The following DGKG variants were observed in gnomAD, a reference collection of about 807,000 sequenced individuals.
DGKG encodes DAG kinase gamma.
Under a neutral mutation model 105.3 loss-of-function variants are expected in DGKG, and 78 were observed. The ratio of observed to expected loss-of-function variants is 0.74; its 90% confidence interval spans 0.62 to 0.89. DGKG has a LOEUF of 0.89. DGKG is among the 40% of genes least tolerant of loss of function. DGKG has a pLI of 0.00. For missense variants in DGKG, 958 were observed against 1,020.1 expected (o/e 0.94, Z 0.83); for synonymous variants, 346 against 367.1 (o/e 0.94, Z 0.66).
intron 21 of DGKG, among the ~76,000 whole-genome samples, chr3:186,201,970 G>T (rs897470269): frequency 2.6e-5 from 4 of 152,202 alleles, no homozygotes; most frequent in African/African-American, 9.7e-5. Context: ...TAATGCAGAG[G>T]TCATCTCCTA....
intron 3 of DGKG, among the ~76,000 whole-genome samples, chr3:186,304,104 C>T (rs1010287953): frequency 2.0e-5 from 3 of 152,198 alleles, no homozygotes; most frequent in East Asian, 1.9e-4. Context: ...AGCAGCCAAG[C>T]GACTCCCTGC....
chr3:186,353,620 C>A (rs1300612031), intron 1 of DGKG, among the ~76,000 whole-genome samples: 1 of 138,466 alleles, frequency 7.2e-6, no homozygotes, highest in Non-Finnish European at 1.6e-5. Context: ...TATATATAGA[C>A]TCTCTATCTA....
chr3:186,154,037 C>T (rs1319651317), intron 24 of DGKG, among the ~76,000 whole-genome samples: 3 of 152,144 alleles, frequency 2.0e-5, no homozygotes, highest in Non-Finnish European at 4.4e-5. Context: ...GTCGAGGCGG[C>T]AGTGAGCCGT....
chr3:186,192,934 A>T (rs1469239577), intron 21 of DGKG, among the ~76,000 whole-genome samples: 1 of 152,186 alleles, frequency 6.6e-6, no homozygotes, highest in African/African-American at 2.4e-5. Flanking sequence ...TTTCTTCCGT[A>T]CTACAGTTTT....
At position 186,148,929 on chromosome 3, in the gene DGKG, A is replaced by G. The variant is rs1311382168; in HGVS notation, c.*1161T>C. The G allele has an allele frequency of 1.0e-5, 10 of 965,660 alleles. No homozygotes were observed. The South Asian group carries it at 1.4e-4, about 14-fold the overall frequency. The allele number at this position is 965,660 out of a possible 1,614,324, so 59.8% of individuals were successfully genotyped here. On this transcript the variant is annotated 3_prime_UTR_variant, in exon 25 of 25. Transcript: ENST00000265022. ...ATACTACCTATGTTTTTTTTTTCCA[A>G]TGAGGAAAAGTCCATCAGTAAATAA...
At chr3:186,163,348 C>T (rs920679472) in intron 23 of DGKG, among the ~76,000 whole-genome samples, 2 of 152,192 alleles carry the variant, frequency 1.3e-5, no homozygotes, top group African/African-American at 4.8e-5. Flanking sequence ...TGACTTCCCT[C>T]TGCAGAAGAG....
intron 1 of DGKG, among the ~76,000 whole-genome samples, chr3:186,347,349 G>A (rs2108667107): frequency 6.7e-6 from 1 of 150,082 alleles, no homozygotes; most frequent in South Asian, 2.1e-4. Context: ...TTGGGAGGCT[G>A]AGGCAGGAGA....
At chr3:186,181,999 T>TCCTCAA (rs1717380243) in intron 22 of DGKG, among the ~76,000 whole-genome samples, 1 of 152,168 alleles carries the variant, frequency 6.6e-6, no homozygotes, top group Non-Finnish European at 1.5e-5. Context: ...ATGGCATAGC[T>TCCTCAA]CCCCAGGACT....
chr3:186,357,064 G>T (rs953679843), intron 1 of DGKG, among the ~76,000 whole-genome samples: 4 of 152,116 alleles, frequency 2.6e-5, no homozygotes, highest in African/African-American at 4.8e-5. Context: ...TCTGTTGATG[G>T]TGTTGTGTGG....
intron 22 of DGKG, among the ~76,000 whole-genome samples, chr3:186,181,472 C>T (rs1311056243): frequency 6.6e-6 from 1 of 152,206 alleles, no homozygotes; most frequent in Non-Finnish European, 1.5e-5. Context: ...GTGGCTCACA[C>T]CTGTAATCCC....
At chr3:186,259,914 A>G (rs1721678730) in intron 16 of DGKG, among the ~76,000 whole-genome samples, 1 of 152,212 alleles carries the variant, frequency 6.6e-6, no homozygotes, top group Non-Finnish European at 1.5e-5. Context: ...GGAGGAGCAA[A>G]ACAACCTCAA....
At chr3:186,338,381 T>TA (rs1264850089) in intron 1 of DGKG, among the ~76,000 whole-genome samples, 1 of 152,142 alleles carries the variant, frequency 6.6e-6, no homozygotes, top group Non-Finnish European at 1.5e-5. Context: ...ACGTGACTGG[T>TA]AAAATTTTTG....
chr3:186,352,182 A>T (rs1267704147), intron 1 of DGKG, among the ~76,000 whole-genome samples: 3 of 152,130 alleles, frequency 2.0e-5, no homozygotes, highest in African/African-American at 7.2e-5. Flanking sequence ...AATATGGAAG[A>T]TGGGCATAAG....
intron 16 of DGKG, among the ~76,000 whole-genome samples, chr3:186,259,552 G>T (rs1290875034): frequency 6.6e-6 from 1 of 152,210 alleles, no homozygotes; most frequent in Non-Finnish European, 1.5e-5. Context: ...ACCAAAGACA[G>T]GGTCAAATTC....
At chr3:186,243,413 T>C (rs1302752556) in intron 19 of DGKG, among the ~76,000 whole-genome samples, 2 of 152,086 alleles carry the variant, frequency 1.3e-5, no homozygotes, top group African/African-American at 4.8e-5. Flanking sequence ...CTCCATCCTC[T>C]GACCACAACT....
chr3:186,250,251 T>A (rs1222999838), intron 19 of DGKG, among the ~76,000 whole-genome samples: 2 of 152,144 alleles, frequency 1.3e-5, no homozygotes, highest in Non-Finnish European at 2.9e-5. Context: ...CTAGTGGCTG[T>A]TCTCACTTAC....
intron 3 of DGKG, among the ~76,000 whole-genome samples, chr3:186,304,044 C>T (rs933158393): frequency 2.6e-5 from 4 of 152,200 alleles, no homozygotes; most frequent in Non-Finnish European, 5.9e-5. Flanking sequence ...CCTGGCATTA[C>T]AAAAAGTGGG....
At position 186,306,916 on chromosome 3, in the gene DGKG, T is replaced by C; in HGVS notation, c.129A>G (p.Gln43=). The C allele has an allele frequency of 6.2e-7, 1 of 1,611,296 alleles. No individual in the cohort carries two copies. Residue 43 remains glutamine (Q), a synonymous_variant, in exon 3 of 25, where the codon CAA becomes CAG. Coordinates refer to ENST00000265022, the MANE Select transcript of DGKG (RefSeq NM_001346.3). ...TEFNEGGSLK[Q]YDPHEPISYD... ...ATGTTCTTACCTCATGTGGGTCATATTGTTTGAGGCTCCCACCCTCATTAA... is the reference window on the plus strand; with the variant it reads ...ATGTTCTTACCTCATGTGGGTCATACTGTTTGAGGCTCCCACCCTCATTAA...
chr3:186,281,453 A>G (rs990452068), intron 7 of DGKG, among the ~76,000 whole-genome samples: 6 of 152,204 alleles, frequency 3.9e-5, no homozygotes, highest in African/African-American at 1.4e-4. Flanking sequence ...CTGAAGAGGC[A>G]TTTGGTGTCA....
Sources: gnomAD v4.1 joint callset for allele counts (sites outside exome capture counted in the v4.1 genomes callset) on GRCh38, gnomAD v4.1.1 for gene constraint, MANE v1.5 for transcripts, NCBI Gene and HGNC (gene_info 2026-07-23, HGNC 2026-07-21) for gene names.